The following PLEKHG6 variants were observed in gnomAD, a reference collection of about 807,000 sequenced individuals.
PLEKHG6 encodes the protein pleckstrin homology and RhoGEF domain containing G6.
In PLEKHG6, 91 loss-of-function variants were observed where a neutral mutation model predicts 97.5. That is an observed-to-expected ratio of 0.93 (90% confidence interval 0.79 to 1.11). The LOEUF (loss-of-function observed/expected upper bound fraction) is 1.11. PLEKHG6 is among the 50% of genes most tolerant of loss of function. The pLI, the probability that PLEKHG6 is intolerant of heterozygous loss-of-function variation, is 0.00. For synonymous variants in PLEKHG6, 466 were observed against 425.5 expected, an observed-to-expected ratio of 1.10 and a Z score of -1.17; for missense variants, 1,044 against 1,031.0, an observed-to-expected ratio of 1.01 and a Z score of -0.17.
intron 13 of PLEKHG6, among the ~76,000 whole-genome samples, chr12:6,325,367 A>C (rs940659783): frequency 7.9e-5 from 12 of 152,154 alleles, no homozygotes; most frequent in Non-Finnish European, 1.3e-4. Flanking sequence ...TTGTCTGTAA[A>C]ATGGGCTAAC....
chr12:6,318,423 G>A lies in PLEKHG6; in HGVS notation c.1275+3G>A. On this transcript the variant is annotated splice_donor_region_variant and intron_variant, in intron 11 of 15. Coordinates refer to ENST00000684764, the MANE Select transcript of PLEKHG6 (RefSeq NM_001384598.1). ...TGAAGGAGGGACGAGAAGGGAAGGT[G>A]AGGGTGCTGCGGACAGAGTGGAGGG... The A allele has an allele frequency of 6.2e-7, 1 of 1,605,286 alleles. No homozygotes were observed. Among genetic ancestry groups the A allele is most frequent in the Admixed American group, 1.7e-5 (1 of 58,590 alleles).
intron 3 of PLEKHG6, 83 bp downstream of exon 3, chr12:6,313,867 C>G: frequency 7.5e-7 from 1 of 1,332,220 alleles, no homozygotes; most frequent in South Asian, 1.5e-5. Flanking sequence ...GCTCCGGGAG[C>G]TGAGAACACA....
At chr12:6,320,768 G>A (rs1023355584) in intron 13 of PLEKHG6, among the ~76,000 whole-genome samples, 9 of 152,150 alleles carry the variant, frequency 5.9e-5, no homozygotes, top group South Asian at 2.1e-4. Context: ...CCACAGGAAC[G>A]GAATGGCCAA....
intron 10 of PLEKHG6, 117 bp downstream of exon 10, chr12:6,318,111 C>A: frequency 7.2e-7 from 1 of 1,383,728 alleles, no homozygotes. Context: ...GTCCATCATT[C>A]CTACCTGGTG....
In PLEKHG6 at chr12:6,318,336, C is replaced by T. The variant is rs763284469; in HGVS notation, c.1191C>T (p.Ser397=). The T allele has an allele frequency of 4.3e-6, 7 of 1,614,094 alleles. No homozygotes were observed. The South Asian group carries it at 7.7e-5, about 18-fold the overall frequency. The change falls in exon 11 of 16, where the codon TCC becomes TCT. Residue 397 remains serine (S), a synonymous_variant. Coordinates refer to ENST00000684764, the MANE Select transcript of PLEKHG6 (RefSeq NM_001384598.1). ...LRPFSTLDLT[S]PMLGVASEHT... ...CATTCTCCACCCTGGACCTGACGTC[C>T]CCCATGCTGGGGGTTGCATCTGAGC...
chr12:6,316,542 C>A lies in PLEKHG6; in HGVS notation c.756+138C>A. ...GACACAGCCCCTACCCCTAATATCA[C>A]CTCACCTCCTCCCTTCATGCCACAA... On this transcript the variant is annotated intron_variant, in intron 7 of 15. Transcript: ENST00000684764. The surrounding 1 kb of genome is among the most constrained non-coding windows in gnomAD (Gnocchi z 4.1). 1 of 708,078 alleles carries A rather than the reference C, an allele frequency of 1.4e-6. No individual in the cohort carries two copies. Among genetic ancestry groups the A allele is most frequent in the Non-Finnish European group, 2.2e-6 (1 of 460,184 alleles). The allele number at this position is 708,078 out of a possible 1,614,324, so 43.9% of individuals were successfully genotyped here. A position where few individuals can be genotyped will look rare whatever the true frequency, so the allele number is the denominator to read the frequency against.
Position 6,317,535 on chromosome 12 carries a change from C to A in PLEKHG6, c.868-12C>A, listed in dbSNP as rs373569197. On this transcript the variant is annotated splice_polypyrimidine_tract_variant and intron_variant, in intron 8 of 15. Coordinates refer to ENST00000684764, the MANE Select transcript of PLEKHG6 (RefSeq NM_001384598.1). ...GGGAGCAAACCCTGAGCCCCACCCA[C>A]CTTCCCTGCAGTGGTGTGAGAAGCA... 5.8e-5 allele frequency: 94 copies of A among 1,612,906 alleles called. No individual in the cohort carries two copies. Among genetic ancestry groups the A allele is most frequent in the South Asian group, 5.8e-4 (53 of 90,948 alleles).
At chr12:6,319,689 A>G in intron 13 of PLEKHG6, 1 of 1,529,862 alleles carries the variant, frequency 6.5e-7, no homozygotes, top group Non-Finnish European at 8.7e-7. Flanking sequence ...TACAGCCTGA[A>G]ATGATTAACT....
rs776515839 is a variant in PLEKHG6 at position 6,318,740 on chromosome 12, C to A, written c.1276-5C>A. 6.2e-7 allele frequency: 1 copy of A among 1,613,680 alleles called. No homozygotes were observed. Among genetic ancestry groups the A allele is most frequent in the Non-Finnish European group, 8.5e-7 (1 of 1,179,614 alleles). ...TGTCTCTTTCCCCTACGCCCCCACC[C>A]CCAGCTGGACGTGTACCTGTTCCTC... On this transcript the variant is annotated splice_polypyrimidine_tract_variant and splice_region_variant and intron_variant, in intron 11 of 15. Coordinates refer to ENST00000684764, the MANE Select transcript of PLEKHG6 (RefSeq NM_001384598.1).
Position 6,328,170 on chromosome 12 carries a change from C to T in PLEKHG6, c.*25C>T. On this transcript the variant is annotated 3_prime_UTR_variant, in exon 16 of 16. Transcript: ENST00000684764. ...AGGAATGCAGAGGACCTTTGGCATG[C>T]ATCTCTCCCAGAGGAGATCTCTCCC... 2 of 1,611,352 alleles carry T rather than the reference C, an allele frequency of 1.2e-6. No homozygotes were observed. The highest frequency in any genetic ancestry group is 8.5e-7 in the Non-Finnish European group (1 of 1,177,520).
Position 6,316,513 on chromosome 12 carries a change from G to T in PLEKHG6, c.756+109G>T. ...GCAAATCTCTGTGATTTGAGGGGCC[G>T]CAGGACACAGCCCCTACCCCTAATA... On this transcript the variant is annotated intron_variant, in intron 7 of 15. Transcript: ENST00000684764. The surrounding 1 kb of genome is among the most constrained non-coding windows in gnomAD (Gnocchi z 4.1). 9.6e-7 allele frequency: 1 copy of T among 1,045,568 alleles called. No individual in the cohort carries two copies. The highest frequency in any genetic ancestry group is 1.3e-6 in the Non-Finnish European group (1 of 740,798). The allele number at this position is 1,045,568 out of a possible 1,614,324, so 64.8% of individuals were successfully genotyped here.
chr12:6,326,528 C>T lies in PLEKHG6; in HGVS notation c.1625C>T (p.Pro542Leu), dbSNP rs755707566. Residue 542 changes from proline to leucine, a missense_variant, in exon 14 of 16, where the codon CCC (proline) becomes CTC (leucine). Pro to Leu is a moderately conservative substitution (Grantham distance 98). Transcript: ENST00000684764. ...DQDRESPSTR[P>L]STPSLEGSQS... ...GACAGGGAGTCCCCCAGCACCAGGC[C>T]CTCCACGCCTTCCCTGGAGGGCTCT... The T allele has an allele frequency of 6.9e-6, 11 of 1,586,664 alleles. No individual in the cohort carries two copies. Among genetic ancestry groups the T allele is most frequent in the Non-Finnish European group, 9.4e-6 (11 of 1,169,652 alleles).
chr12:6,320,327 A>G (rs1404130484), intron 13 of PLEKHG6, among the ~76,000 whole-genome samples: 3 of 152,160 alleles, frequency 2.0e-5, no homozygotes, highest in Admixed American at 1.3e-4. Flanking sequence ...AGGTCCCACA[A>G]ACTTGGTGGC....
Position 6,315,314 on chromosome 12 carries a change from C to T in PLEKHG6, c.459+145C>T. The T allele has an allele frequency of 1.1e-6, 1 of 896,158 alleles. No homozygotes were observed. Among genetic ancestry groups the T allele is most frequent in the Non-Finnish European group, 1.7e-6 (1 of 596,094 alleles). 55.5% of individuals were successfully genotyped at this position (896,158 alleles called of 1,614,324 possible). ...GCGTTGATCTGGGTTCAGATCCCAG[C>T]TCTGCCACTTACTAGTCAGACCTTG... On this transcript the variant is annotated intron_variant, in intron 4 of 15. Coordinates refer to ENST00000684764, the MANE Select transcript of PLEKHG6 (RefSeq NM_001384598.1). The surrounding 1 kb of genome is among the most constrained non-coding windows in gnomAD (Gnocchi z 4.5).
Position 6,312,377 on chromosome 12 carries a change from T to C in PLEKHG6, c.138+13T>C. 6.4e-7 allele frequency: 1 copy of C among 1,572,256 alleles called. No homozygotes were observed. Among genetic ancestry groups the C allele is most frequent in the Non-Finnish European group, 8.6e-7 (1 of 1,163,762 alleles). ...ATACCCTGTGCTGGTGAGTCCAGGCTGTGCCCCAAAAGTGACCTGGTGGGG... is the reference window on the plus strand; with the variant it reads ...ATACCCTGTGCTGGTGAGTCCAGGCCGTGCCCCAAAAGTGACCTGGTGGGG... On this transcript the variant is annotated intron_variant, in intron 2 of 15. Transcript: ENST00000684764.
chr12:6,324,519 C>T (rs1225776939), intron 13 of PLEKHG6, among the ~76,000 whole-genome samples: 1 of 152,162 alleles, frequency 6.6e-6, no homozygotes, highest in African/African-American at 2.4e-5. Context: ...TCCACCCTCT[C>T]TTTTCTCACT....
At chr12:6,322,740 G>T (rs1441214584) in intron 13 of PLEKHG6, among the ~76,000 whole-genome samples, 3 of 152,178 alleles carry the variant, frequency 2.0e-5, no homozygotes, top group Admixed American at 2.0e-4. Context: ...AATTAGCTGG[G>T]CCTGGTGGCG....
chr12:6,313,318 G>T, intron 2 of PLEKHG6: 1 of 908,280 alleles, frequency 1.1e-6, no homozygotes. Flanking sequence ...GGCAGTGGGG[G>T]CACACACACC....
In PLEKHG6 at chr12:6,326,534, C is replaced by T. The variant is rs569614227; in HGVS notation, c.1631C>T (p.Thr544Met). The change falls in exon 14 of 16, where the codon ACG (threonine) becomes ATG (methionine). Residue 544 changes from threonine (T) to methionine (M), a missense_variant. Coordinates refer to ENST00000684764, the MANE Select transcript of PLEKHG6 (RefSeq NM_001384598.1). ...GAGTCCCCCAGCACCAGGCCCTCCA[C>T]GCCTTCCCTGGAGGGCTCTCAGAGC... is the stretch of plus-strand genomic sequence containing the variant. ...DRESPSTRPS[T>M]PSLEGSQSSA... 2.5e-5 allele frequency: 39 copies of T among 1,584,392 alleles called. No individual in the cohort carries two copies. Among genetic ancestry groups the T allele is most frequent in the African/African-American group, 2.2e-4 (16 of 72,512 alleles).
Sources: allele counts gnomAD v4.1 joint callset (sites outside exome capture counted in the v4.1 genomes callset), GRCh38; gene constraint gnomAD v4.1.1; non-coding constraint Gnocchi (gnomAD v3.1); transcripts MANE v1.5; gene names NCBI Gene and HGNC (gene_info 2026-07-23, HGNC 2026-07-21).